The following MYO6 variants were observed in gnomAD, a reference collection of about 807,000 sequenced individuals.
The protein encoded by MYO6 is myosin VI, also known as unconventional myosin-VI.
In MYO6, 74 loss-of-function variants were observed where a neutral mutation model predicts 178.7. That is an observed-to-expected ratio of 0.41 (90% CI 0.34 to 0.50). MYO6 has a LOEUF of 0.50. Ranked by LOEUF, MYO6 falls within the 20% of genes least tolerant of loss-of-function variation. The probability of loss-of-function intolerance (pLI) is 0.09; values close to 1 mark genes in which losing one functional copy is unlikely to be tolerated. For synonymous variants in MYO6, 477 were observed against 504.6 expected, an observed-to-expected ratio of 0.95 and a Z score of 0.73; for missense variants, 1,330 against 1,547.4, an observed-to-expected ratio of 0.86 and a Z score of 2.36.
intron 11 of MYO6, 142 bp downstream of exon 11, chr6:75,848,673 C>A (rs1774968916): frequency 1.3e-6 from 1 of 787,782 alleles, no homozygotes; most frequent in Non-Finnish European, 2.0e-6. Flanking sequence ...AATGTTGAAT[C>A]TCCCAAATGA....
chr6:75,759,344 G>A (rs1288321908), intron 1 of MYO6, among the ~76,000 whole-genome samples: 3 of 152,174 alleles, frequency 2.0e-5, no homozygotes, highest in Admixed American at 6.5e-5. Flanking sequence ...ATTTGCAGAG[G>A]TTAGAGAACA....
intron 1 of MYO6, among the ~76,000 whole-genome samples, chr6:75,787,716 CTCTCTCTCTCTCTCTATATA>C (rs1203220373): frequency 1.1e-3 from 57 of 51,664 alleles, no homozygotes; most frequent in Admixed American, 2.4e-3. Context: ...CTCTCTCTCT[CTCTCTCTCTCTCTCTATATA>C]TATATATATA....
intron 6 of MYO6, 126 bp downstream of exon 6, chr6:75,833,073 A>C (rs1028808853): frequency 2.7e-5 from 19 of 699,504 alleles, no homozygotes; most frequent in South Asian, 1.6e-5. Flanking sequence ...TGTAGCCTTG[A>C]CCTCCTGGGC....
At chr6:75,784,604 T>G (rs1360927982) in intron 1 of MYO6, among the ~76,000 whole-genome samples, 1 of 151,458 alleles carries the variant, frequency 6.6e-6, no homozygotes, top group Non-Finnish European at 1.5e-5. Flanking sequence ...AAACCCCGTC[T>G]CTACTAAAAA....
intron 1 of MYO6, among the ~76,000 whole-genome samples, chr6:75,802,298 GTC>G (rs1268564493): frequency 6.6e-6 from 1 of 151,610 alleles, no homozygotes; most frequent in Non-Finnish European, 1.5e-5. Flanking sequence ...GTGAAATCCT[GTC>G]TCTACTAAAA....
At chr6:75,862,133 G>A (rs1653155765) in intron 15 of MYO6, among the ~76,000 whole-genome samples, 1 of 152,208 alleles carries the variant, frequency 6.6e-6, no homozygotes, top group Admixed American at 6.5e-5. Context: ...TGGACAGGAA[G>A]GAATTTCAAA....
intron 11 of MYO6, among the ~76,000 whole-genome samples, chr6:75,852,543 TCTA>T (rs1408763338): frequency 6.6e-6 from 1 of 152,214 alleles, no homozygotes; most frequent in African/African-American, 2.4e-5. Flanking sequence ...TGACCACTAA[TCTA>T]CTTCCTGTCT....
At chr6:75,834,522 C>T (rs190356870) in intron 6 of MYO6, among the ~76,000 whole-genome samples, 144 of 152,262 alleles carry the variant, frequency 9.5e-4, no homozygotes, top group Non-Finnish European at 2.1e-4. Context: ...CATGAGCCAC[C>T]ATGCCTGGCC....
At position 75,817,420 on chromosome 6, in the gene MYO6, A is replaced by G. The variant is rs1771385709; in HGVS notation, c.-47-81A>G. 4 of 807,218 alleles carry G rather than the reference A, an allele frequency of 5.0e-6. No individual in the cohort carries two copies. The East Asian group carries it at 1.1e-4, about 21-fold the overall frequency. 50.0% of individuals were successfully genotyped at this position (807,218 alleles called of 1,614,324 possible). ...GTTTGTTAGTTGGGACTTACATGTG[A>G]ACTTTTGAAAAAGATACATTATTTG... On this transcript the variant is annotated intron_variant, in intron 1 of 34. Coordinates refer to ENST00000369977, the MANE Select transcript of MYO6 (RefSeq NM_004999.4).
chr6:75,839,084 G>A (rs1180604631), intron 7 of MYO6, among the ~76,000 whole-genome samples: 1 of 152,078 alleles, frequency 6.6e-6, no homozygotes, highest in Non-Finnish European at 1.5e-5. Context: ...CTTTAAAAGA[G>A]TTTAGAGACT....
intron 22 of MYO6, 56 bp from the exon 23 acceptor site, chr6:75,881,633 A>G: frequency 1.3e-6 from 2 of 1,529,366 alleles, no homozygotes; most frequent in African/African-American, 1.4e-5. Flanking sequence ...TCATGTCTTT[A>G]TGTGTTCAAA....
intron 1 of MYO6, among the ~76,000 whole-genome samples, chr6:75,816,403 T>C (rs995846956): frequency 5.9e-5 from 9 of 152,200 alleles, no homozygotes; most frequent in African/African-American, 2.2e-4. Context: ...TCACCCAGAA[T>C]GGATTGCAGT....
rs140728577 is a variant in MYO6 at position 75,873,755 on chromosome 6, T to C, written c.2077+455T>C. The stretch of plus-strand genomic sequence containing the variant: ...AGTTCATTTCTCATTCCACACATGA[T>C]GGTCAGAAGGTAGGTTTTGTTGTCC... On this transcript the variant is annotated intron_variant, in intron 20 of 34. Coordinates refer to ENST00000369977, the MANE Select transcript of MYO6 (RefSeq NM_004999.4). Among the ~76,000 whole-genome samples the C allele has an allele frequency of 3.0e-3, 460 of 152,302 alleles. 1 individual carries two copies. The highest frequency in any genetic ancestry group is 0.01 in the African/African-American group (431 of 41,554).
chr6:75,882,952 A>G (rs1402212708), intron 23 of MYO6, among the ~76,000 whole-genome samples: 1 of 152,224 alleles, frequency 6.6e-6, no homozygotes, highest in African/African-American at 2.4e-5. Context: ...AGATCAGTCA[A>G]AAACCATAGT....
chr6:75,846,743 G>T (rs1774769665), intron 10 of MYO6, among the ~76,000 whole-genome samples: 1 of 151,986 alleles, frequency 6.6e-6, no homozygotes. Context: ...GGGGGAAAAA[G>T]ATATAAATTT....
chr6:75,848,595 A>G, intron 11 of MYO6, 64 bp downstream of exon 11: 2 of 1,534,992 alleles, frequency 1.3e-6, no homozygotes, highest in Non-Finnish European at 1.8e-6. Context: ...TATTTGTCAT[A>G]TGAAAATTGT....
At chr6:75,768,027 A>C (rs966092837) in intron 1 of MYO6, 9 of 151,588 alleles carry the variant, frequency 5.9e-5, no homozygotes, top group Non-Finnish European at 1.0e-4. Flanking sequence ...TACATGTTGG[A>C]AGAGCTGCCC....
At chr6:75,782,971 G>A (rs1455961005) in intron 1 of MYO6, among the ~76,000 whole-genome samples, 4 of 147,288 alleles carry the variant, frequency 2.7e-5, no homozygotes, top group Admixed American at 6.8e-5. Flanking sequence ...CTGGAGTGCA[G>A]TGGCATGATC....
In MYO6 at chr6:75,802,621, G is replaced by A. The variant is rs980348940; in HGVS notation, c.-47-14880G>A. 3.3e-5 allele frequency among the ~76,000 whole-genome samples: 5 copies of A among 151,728 alleles called. No individual in the cohort carries two copies. The South Asian group carries it at 6.2e-4, about 19-fold the overall frequency. Reference sequence around the variant, plus strand: ...TTCAGCCTCCCACCACGCCAGCTGGGACCACAGGCATGCACCACTTCACCC... The same window carrying A: ...TTCAGCCTCCCACCACGCCAGCTGGAACCACAGGCATGCACCACTTCACCC... On this transcript the variant is annotated intron_variant, in intron 1 of 34. Transcript: ENST00000369977.
Sources: allele counts gnomAD v4.1 joint callset (sites outside exome capture counted in the v4.1 genomes callset), GRCh38; gene constraint gnomAD v4.1.1; transcripts MANE v1.5; gene names NCBI Gene and HGNC (gene_info 2026-07-23, HGNC 2026-07-21).